Variants in STK32B observed in about 807,000 individuals in gnomAD.
STK32B encodes serine/threonine kinase 32B.
In STK32B, 43 loss-of-function variants were observed where a neutral mutation model predicts 52.6. That is an observed-to-expected ratio of 0.82 (90% CI 0.64 to 1.05). The LOEUF (loss-of-function observed/expected upper bound fraction) is 1.05. Among genes scored for constraint, STK32B ranks in the 50% least tolerant of loss-of-function variants. The pLI, the probability that STK32B is intolerant of heterozygous loss-of-function variation, is 0.00. For synonymous variants in STK32B, 238 were observed against 204.3 expected, an observed-to-expected ratio of 1.17 and a Z score of -1.41; for missense variants, 621 against 534.6, an observed-to-expected ratio of 1.16 and a Z score of -1.59.
At chr4:5,035,536 A>G in the STK32B span, among the ~76,000 whole-genome samples, 2 of 152,106 alleles carry the variant, frequency 1.3e-5, no homozygotes, top group African/African-American at 2.4e-5. Flanking sequence ...ACCTAACCAT[A>G]GGCTGCCCAA....
At chr4:5,289,751 G>T (rs1008855759) in intron 3 of STK32B, among the ~76,000 whole-genome samples, 1 of 134,874 alleles carries the variant, frequency 7.4e-6, no homozygotes, top group Non-Finnish European at 1.5e-5. Flanking sequence ...CACCATGTTA[G>T]CCAGGATGGT....
At chr4:5,143,124 T>TGTCTGTC (rs202015144) in intron 2 of STK32B, among the ~76,000 whole-genome samples, 2 of 150,496 alleles carry the variant, frequency 1.3e-5, no homozygotes, top group Non-Finnish European at 3.0e-5. Context: ...TCTGTCTGTC[T>TGTCTGTC]GTCTGTCTAT....
chr4:5,376,835 C>G (rs2109019008), intron 4 of STK32B, among the ~76,000 whole-genome samples: 1 of 152,270 alleles, frequency 6.6e-6, no homozygotes, highest in East Asian at 1.9e-4. Context: ...CAGTTCTCCC[C>G]ACATCCCCTC....
At position 5,467,687 on chromosome 4, in the gene STK32B, G is replaced by A. The variant is rs552927877; in HGVS notation, c.1042-319G>A. ...CCTGGCATCATGGTTGTGAATTTCT[G>A]GTTTTCCATGCCCCTCACGTGGGCC... On this transcript the variant is annotated intron_variant, in intron 10 of 11. Transcript: ENST00000282908. The surrounding 1 kb of genome is among the most constrained non-coding windows in gnomAD (Gnocchi z 5.8). Among the ~76,000 whole-genome samples, 1 of 152,272 alleles carries A rather than the reference G, an allele frequency of 6.6e-6. No individual in the cohort carries two copies. The highest frequency in any genetic ancestry group is 2.1e-4 in the South Asian group (1 of 4,828).
intron 6 of STK32B, among the ~76,000 whole-genome samples, chr4:5,428,571 T>C (rs1713293678): frequency 6.6e-6 from 1 of 152,368 alleles, no homozygotes; most frequent in South Asian, 2.1e-4. Flanking sequence ...GGTCTAGATA[T>C]GATCTATCTT....
intron 1 of STK32B, among the ~76,000 whole-genome samples, chr4:5,100,228 CAGG>C (rs1456575220): frequency 6.6e-6 from 1 of 152,102 alleles, no homozygotes; most frequent in African/African-American, 2.4e-5. Flanking sequence ...CTCTGGGCCA[CAGG>C]AGGTGTTCAG....
rs115618992 is a variant in STK32B, at chr4:5,430,557, G to T, written c.562+13623G>T. On this transcript the variant is annotated intron_variant, in intron 6 of 11. Transcript: ENST00000282908. Reference sequence around the variant, plus strand: ...CTAGTTCATATCTGAGTATGATTCTGTTAATTTCTTTGTCTCTTCACAATG... The same window carrying T: ...CTAGTTCATATCTGAGTATGATTCTTTTAATTTCTTTGTCTCTTCACAATG... Among the ~76,000 whole-genome samples the T allele has an allele frequency of 9.7e-3, 1,476 of 152,258 alleles. 14 individuals carry two copies. The highest frequency in any genetic ancestry group is 0.031 in the Middle Eastern group (9 of 294).
At position 5,139,933 on chromosome 4, in the gene STK32B, G is replaced by A. The variant is rs768252152; in HGVS notation, c.81G>A (p.Arg27=). 2.2e-5 allele frequency: 36 copies of A among 1,613,950 alleles called. No homozygotes were observed. Among genetic ancestry groups the A allele is most frequent in the Non-Finnish European group, 3.0e-5 (35 of 1,180,024 alleles). The stretch of plus-strand genomic sequence containing the variant: ...ACTTTGACCATTTTCAGATTCTGCG[G>A]GCCATTGGTAAAGGGAGTTTTGGAA... ...EVNFDHFQIL[R]AIGKGSFGKV... Residue 27 remains arginine (R), a synonymous_variant, in exon 2 of 12, where the codon CGG becomes CGA. Transcript: ENST00000282908.
intron 3 of STK32B, among the ~76,000 whole-genome samples, chr4:5,196,391 C>G (rs1310419204): frequency 1.4e-5 from 1 of 69,172 alleles, no homozygotes; most frequent in South Asian, 4.8e-4. Context: ...TAGTTTTGTT[C>G]TGAACGTATG....
rs115250586 is a variant in STK32B at position 5,423,123 on chromosome 4, C to G, written c.562+6189C>G. Reference sequence around the variant, plus strand: ...GTGGAAGGTTCAGTGCTGGAGACCACTATGATCAGACTCATAGGATTAGGG... The same window carrying G: ...GTGGAAGGTTCAGTGCTGGAGACCAGTATGATCAGACTCATAGGATTAGGG... On this transcript the variant is annotated intron_variant, in intron 6 of 11. Transcript: ENST00000282908. Among the ~76,000 whole-genome samples the G allele has an allele frequency of 7.9e-3, 1,195 of 152,168 alleles. 19 individuals are homozygous for G. The highest frequency in any genetic ancestry group is 0.026 in the African/African-American group (1,096 of 41,484).
intron 1 of STK32B, among the ~76,000 whole-genome samples, chr4:5,057,690 A>C (rs1742059866): frequency 6.6e-6 from 1 of 152,192 alleles, no homozygotes. Flanking sequence ...TCAGTATTTT[A>C]GCAGGATCAA....
intron 3 of STK32B, among the ~76,000 whole-genome samples, chr4:5,316,319 T>TATATAGTATATATA (rs1560310292): frequency 5.4e-4 from 36 of 66,686 alleles, no homozygotes; most frequent in African/African-American, 1.4e-3. Context: ...TATTGTATAT[T>TATATAGTATATATA]ATATATTATA....
intron 4 of STK32B, among the ~76,000 whole-genome samples, chr4:5,392,190 T>C (rs1736630760): frequency 6.6e-6 from 1 of 152,142 alleles, no homozygotes; most frequent in Non-Finnish European, 1.5e-5. Context: ...ATCCCAACAC[T>C]TTGGGAGGCC....
In STK32B at chr4:5,386,383, G is replaced by A. The variant is rs1181705571; in HGVS notation, c.435-11824G>A. 6.6e-6 allele frequency among the ~76,000 whole-genome samples: 1 copy of A among 152,160 alleles called. No individual in the cohort carries two copies. Among genetic ancestry groups the A allele is most frequent in the East Asian group, 1.9e-4 (1 of 5,156 alleles). Reference sequence around the variant, plus strand: ...AGTGCAGGGTGGAAATGGTGGGCCAGAGGGAGGGGGAGTGGGAACCATGGT... The same window carrying A: ...AGTGCAGGGTGGAAATGGTGGGCCAAAGGGAGGGGGAGTGGGAACCATGGT... On this transcript the variant is annotated intron_variant, in intron 4 of 11. Coordinates refer to ENST00000282908, the MANE Select transcript of STK32B (RefSeq NM_018401.3). The surrounding 1 kb of genome is among the most constrained non-coding windows in gnomAD (Gnocchi z 4.5).
intron 3 of STK32B, among the ~76,000 whole-genome samples, chr4:5,274,936 A>C (rs1727713438): frequency 6.6e-6 from 1 of 152,188 alleles, no homozygotes; most frequent in Non-Finnish European, 1.5e-5. Context: ...GCCATTGTTC[A>C]TGCACGGCTA....
chr4:5,381,309 C>A (rs1017412967), intron 4 of STK32B, among the ~76,000 whole-genome samples: 5 of 152,198 alleles, frequency 3.3e-5, no homozygotes, highest in African/African-American at 1.2e-4. Context: ...AGACTTAGAG[C>A]ATTTAAGTCT....
intron 5 of STK32B, among the ~76,000 whole-genome samples, chr4:5,404,779 A>T (rs1737544182): frequency 6.6e-6 from 1 of 151,620 alleles, no homozygotes; most frequent in Admixed American, 6.6e-5. Flanking sequence ...TTCTATGGTA[A>T]TGGGAATTTG....
At chr4:5,275,335 T>G (rs984335115) in intron 3 of STK32B, among the ~76,000 whole-genome samples, 1 of 152,248 alleles carries the variant, frequency 6.6e-6, no homozygotes, top group Non-Finnish European at 1.5e-5. Context: ...TCTTATTTTA[T>G]GGTAGATAAT....
rs1300352296 is a variant in STK32B, at chr4:5,337,244, C to A, written c.434+5851C>A. 3.9e-5 allele frequency among the ~76,000 whole-genome samples: 6 copies of A among 152,102 alleles called. No individual in the cohort carries two copies. The East Asian group carries it at 1.2e-3, about 29-fold the overall frequency. On this transcript the variant is annotated intron_variant, in intron 4 of 11. Transcript: ENST00000282908. ...GCTCAAGCAGTCCACCCACCTTGGC[C>A]TCTTAAAGTGCTAGGATTATAGGTG...
Sources: allele counts gnomAD v4.1 joint callset (sites outside exome capture counted in the v4.1 genomes callset), GRCh38; gene constraint gnomAD v4.1.1; non-coding constraint Gnocchi (gnomAD v3.1); transcripts MANE v1.5; gene names NCBI Gene and HGNC (gene_info 2026-07-23, HGNC 2026-07-21).